Variants in NFXL1 observed in about 807,000 individuals in gnomAD.
The protein encoded by NFXL1 is nuclear transcription factor, X-box binding like 1.
NFXL1 carries 66 observed loss-of-function variants against 123.3 expected under a neutral mutation model. That is an observed-to-expected ratio of 0.54 (90% CI 0.44 to 0.66). NFXL1 has a LOEUF of 0.66. NFXL1 is among the 30% of genes least tolerant of loss of function. The probability of loss-of-function intolerance (pLI) is 0.00; values close to 1 mark genes in which losing one functional copy is unlikely to be tolerated. For missense variants in NFXL1, 944 were observed against 1,125.6 expected (o/e 0.84, Z 2.31); for synonymous variants, 346 against 360.8 (o/e 0.96, Z 0.46).
chr4:47,896,697 C>T (rs770468474), intron 9 of NFXL1, 50 bp from the exon 10 acceptor site: 2 of 1,353,906 alleles, frequency 1.5e-6, no homozygotes, highest in Non-Finnish European at 2.1e-6. Context: ...TATTATTAAA[C>T]ATCAACAAAG....
intron 18 of NFXL1, 82 bp downstream of exon 18, chr4:47,875,045 C>A (rs181613140): frequency 2.3e-6 from 2 of 879,824 alleles, no homozygotes; most frequent in African/African-American, 1.7e-5. Context: ...AAGCAAAGTA[C>A]ACTATAAAGG....
At chr4:47,893,538 G>A (rs1252860499) in intron 11 of NFXL1, among the ~76,000 whole-genome samples, 1 of 152,016 alleles carries the variant, frequency 6.6e-6, no homozygotes, top group African/African-American at 2.4e-5. Flanking sequence ...CTAAAAGATA[G>A]TAGAGCAATA....
At chr4:47,853,856 G>C (rs1011680419) in intron 20 of NFXL1, among the ~76,000 whole-genome samples, 10 of 152,008 alleles carry the variant, frequency 6.6e-5, no homozygotes, top group African/African-American at 2.4e-4. Context: ...TTCCATAAGT[G>C]ATGAAGAGCC....
rs771356439 is a variant in NFXL1 at position 47,898,981 on chromosome 4, C to T, written c.966G>A (p.Lys322=). The change falls in exon 7 of 23, where the codon AAG becomes AAA. Residue 322 remains lysine, a synonymous_variant. Transcript: ENST00000507489. ...TACCTGCATGACAAGGATTTTCACA[C>T]TTATGTTGCCCACAAAGCAACTTCT... is the stretch of plus-strand genomic sequence containing the variant. ...CGQKLLCGQH[K]CENPCHAGSC... is the part of the protein sequence containing the mutation. 3.1e-6 allele frequency: 5 copies of T among 1,614,014 alleles called. No homozygotes were observed. Among genetic ancestry groups the T allele is most frequent in the Non-Finnish European group, 2.5e-6 (3 of 1,180,004 alleles).
chr4:47,903,172 C>G, intron 5 of NFXL1, 21 bp downstream of exon 5: 2 of 1,532,360 alleles, frequency 1.3e-6, no homozygotes, highest in Non-Finnish European at 1.8e-6. Context: ...AATAATAATC[C>G]AACTAATTAG....
chr4:47,909,659 CTT>C (rs201359763), intron 3 of NFXL1, among the ~76,000 whole-genome samples: 14 of 143,526 alleles, frequency 9.8e-5, no homozygotes, highest in Admixed American at 1.4e-4. Flanking sequence ...TTCTTTCTTT[CTT>C]TTTTTTTTTT....
chr4:47,899,266 T>A (rs1453369417), intron 6 of NFXL1, 104 bp downstream of exon 6: 1 of 1,313,650 alleles, frequency 7.6e-7, no homozygotes, highest in East Asian at 2.4e-5. Flanking sequence ...TATTTTCTCA[T>A]GGCAAACTAA....
At chr4:47,901,939 T>C (rs1737370986) in intron 5 of NFXL1, among the ~76,000 whole-genome samples, 1 of 152,212 alleles carries the variant, frequency 6.6e-6, no homozygotes, top group Admixed American at 6.5e-5. Context: ...CTCAGCACTT[T>C]GAGGGGCCAA....
chr4:47,908,302 C>T (rs180690876), intron 3 of NFXL1, among the ~76,000 whole-genome samples: 48 of 152,018 alleles, frequency 3.2e-4, no homozygotes, highest in Non-Finnish European at 4.9e-4. Context: ...TGTGTGCTTG[C>T]AGTACCAGCT....
At chr4:47,888,136 T>C (rs1438679921) in intron 12 of NFXL1, among the ~76,000 whole-genome samples, 1 of 152,098 alleles carries the variant, frequency 6.6e-6, no homozygotes, top group Non-Finnish European at 1.5e-5. Context: ...TAGCTGGACA[T>C]GGTGGCATAT....
At chr4:47,890,988 AC>A (rs1560597666) in intron 11 of NFXL1, among the ~76,000 whole-genome samples, 1 of 152,240 alleles carries the variant, frequency 6.6e-6, no homozygotes, top group Non-Finnish European at 1.5e-5. Context: ...GCAGAGACTA[AC>A]AACATTAACC....
At chr4:47,855,712 G>A (rs1013097746) in intron 19 of NFXL1, among the ~76,000 whole-genome samples, 11 of 151,872 alleles carry the variant, frequency 7.2e-5, no homozygotes, top group East Asian at 1.9e-4. Flanking sequence ...GTCCTTATAC[G>A]GTGTTATAAC....
intron 18 of NFXL1, among the ~76,000 whole-genome samples, chr4:47,874,085 C>T (rs917793627): frequency 2.0e-5 from 3 of 152,208 alleles, no homozygotes; most frequent in African/African-American, 7.2e-5. Context: ...GAGTTAGGAA[C>T]ATCTCTAAAT....
chr4:47,855,916 A>G (rs1734381602), intron 19 of NFXL1, among the ~76,000 whole-genome samples: 1 of 152,110 alleles, frequency 6.6e-6, no homozygotes, highest in African/African-American at 2.4e-5. Context: ...TCTTATCCAC[A>G]CTTTAAGACA....
At chr4:47,867,743 T>C (rs1438243310) in intron 18 of NFXL1, among the ~76,000 whole-genome samples, 1 of 152,126 alleles carries the variant, frequency 6.6e-6, no homozygotes, top group Non-Finnish European at 1.5e-5. Context: ...TGGCATCAAA[T>C]TTCTCAAAAG....
chr4:47,871,244 G>A (rs1389390292), intron 18 of NFXL1, among the ~76,000 whole-genome samples: 4 of 151,808 alleles, frequency 2.6e-5, no homozygotes, highest in Non-Finnish European at 5.9e-5. Flanking sequence ...TCCCAGCTAC[G>A]CGGGAGGCTG....
intron 2 of NFXL1, among the ~76,000 whole-genome samples, chr4:47,912,808 ACGG>A (rs1737902396): frequency 7.2e-6 from 1 of 139,710 alleles, no homozygotes; most frequent in Non-Finnish European, 1.6e-5. Flanking sequence ...CCTGGCTAAC[ACGG>A]TGAAACCCCG....
chr4:47,898,460 G>A (rs552584538), intron 8 of NFXL1, among the ~76,000 whole-genome samples: 10 of 152,140 alleles, frequency 6.6e-5, no homozygotes, highest in South Asian at 2.1e-4. Context: ...GCAGGGAGGC[G>A]TGCTGGTTGA....
chr4:47,892,338 G>A (rs764670570), intron 11 of NFXL1, among the ~76,000 whole-genome samples: 2 of 152,190 alleles, frequency 1.3e-5, no homozygotes, highest in Admixed American at 6.5e-5. Flanking sequence ...GGCAAAATTC[G>A]TAGTTCAGAG....
Sources: gnomAD v4.1 joint callset for allele counts (sites outside exome capture counted in the v4.1 genomes callset) on GRCh38, gnomAD v4.1.1 for gene constraint, MANE v1.5 for transcripts, NCBI Gene and HGNC (gene_info 2026-07-23, HGNC 2026-07-21) for gene names.